DOCK5: variants seen among roughly 807,000 people sequenced by gnomAD.
DOCK5 encodes the protein dedicator of cytokinesis 5, also known as dedicator of cytokinesis protein 5.
In DOCK5, 142 loss-of-function variants were observed where a neutral mutation model predicts 251.8. That is an observed-to-expected ratio of 0.56 (90% CI 0.49 to 0.65). The LOEUF (loss-of-function observed/expected upper bound fraction) is 0.65, where lower values mean the gene tolerates loss of function less well. Among genes scored for constraint, DOCK5 ranks in the 30% least tolerant of loss-of-function variants. The pLI is 0.00. For synonymous variants in DOCK5, 842 were observed against 835.5 expected (o/e 1.01, Z -0.13); for missense variants, 2,111 against 2,312.3 (o/e 0.91, Z 1.79).
chr8:25,370,431 C>A (rs934104512), intron 34 of DOCK5, among the ~76,000 whole-genome samples: 2 of 152,170 alleles, frequency 1.3e-5, no homozygotes, highest in African/African-American at 4.8e-5. Context: ...GCTAACATAG[C>A]ATCTGTTGCA....
At chr8:25,342,888 G>A (rs1363126213) in intron 25 of DOCK5, among the ~76,000 whole-genome samples, 1 of 150,062 alleles carries the variant, frequency 6.7e-6, no homozygotes, top group Non-Finnish European at 1.5e-5. Context: ...TTTATTTTTA[G>A]TAAAGACGGG....
chr8:25,361,030 A>G (rs1353685501), intron 28 of DOCK5, among the ~76,000 whole-genome samples: 1 of 152,172 alleles, frequency 6.6e-6, no homozygotes, highest in African/African-American at 2.4e-5. Flanking sequence ...GCTACCGTGC[A>G]CAGCTAGGCC....
intron 1 of DOCK5, among the ~76,000 whole-genome samples, chr8:25,203,716 A>G (rs779169207): frequency 6.6e-6 from 1 of 152,216 alleles, no homozygotes; most frequent in Non-Finnish European, 1.5e-5. Flanking sequence ...AAAAGACTCA[A>G]TTTTAAAGAT....
rs568373065 is a variant in DOCK5, at chr8:25,374,784, A to T, written c.3816+130A>T. On this transcript the variant is annotated intron_variant, in intron 37 of 51. Coordinates refer to ENST00000276440, the MANE Select transcript of DOCK5 (RefSeq NM_024940.8). ...AATATCCTTTTATACAAGTTTTTTT[A>T]GTTCTTTCTAAATAGGCACAGCTAA... is the stretch of plus-strand genomic sequence containing the variant. 8.4e-4 allele frequency: 1,319 copies of T among 1,573,096 alleles called. 25 individuals carry two copies. In the South Asian group the frequency reaches 0.014, roughly 17 times the overall value.
Position 25,354,876 on chromosome 8 carries a change from G to T in DOCK5, c.2850+3050G>T, listed in dbSNP as rs569470054. Among the ~76,000 whole-genome samples the T allele has an allele frequency of 2.0e-5, 3 of 152,284 alleles. No homozygotes were observed. The South Asian group carries it at 6.2e-4, about 32-fold the overall frequency. On this transcript the variant is annotated intron_variant, in intron 27 of 51. Transcript: ENST00000276440. Reference sequence around the variant, plus strand: ...ACATTTTTTCCCAAATCAAGAAGAGGAGGGAACTTTTTAGCGTGAAATCAC... The same window carrying T: ...ACATTTTTTCCCAAATCAAGAAGAGTAGGGAACTTTTTAGCGTGAAATCAC...
In DOCK5 at chr8:25,275,289, G is replaced by C. The variant is rs1804016914; in HGVS notation, c.169-97G>C. ...TCTCAGGAGTTTAGCTATTGCCTGG[G>C]TGTTCCCATTTATTCTCTTTACTTT... On this transcript the variant is annotated intron_variant, in intron 3 of 51. Coordinates refer to ENST00000276440, the MANE Select transcript of DOCK5 (RefSeq NM_024940.8). The C allele has an allele frequency of 1.1e-5, 11 of 967,256 alleles. No individual in the cohort carries two copies. The South Asian group carries it at 1.9e-4, about 16-fold the overall frequency. 59.9% of individuals were successfully genotyped at this position (967,256 alleles called of 1,614,324 possible). A position where few individuals can be genotyped will look rare whatever the true frequency, so the allele number is the denominator to read the frequency against.
chr8:25,219,590 C>G (rs1220359869), intron 1 of DOCK5, among the ~76,000 whole-genome samples: 2 of 152,160 alleles, frequency 1.3e-5, no homozygotes, highest in Non-Finnish European at 2.9e-5. Flanking sequence ...GCCTAAATGT[C>G]TGAAAATATC....
chr8:25,279,285 G>A (rs1467156151), intron 5 of DOCK5, among the ~76,000 whole-genome samples: 1 of 152,106 alleles, frequency 6.6e-6, no homozygotes, highest in Non-Finnish European at 1.5e-5. Context: ...AAATTACAAG[G>A]AGCCAGCACA....
chr8:25,293,516 A>G (rs1355934062), intron 6 of DOCK5, among the ~76,000 whole-genome samples: 1 of 152,216 alleles, frequency 6.6e-6, no homozygotes, highest in Non-Finnish European at 1.5e-5. Flanking sequence ...AAGTGAGCTT[A>G]AGTGATTTAT....
chr8:25,310,694 T>G (rs1477877387), intron 13 of DOCK5, among the ~76,000 whole-genome samples, 162 bp downstream of exon 13: 2 of 152,168 alleles, frequency 1.3e-5, no homozygotes, highest in African/African-American at 4.8e-5. Context: ...CTTAAACACT[T>G]AGGTGCTTCC....
chr8:25,260,349 C>T (rs769493436), intron 2 of DOCK5, among the ~76,000 whole-genome samples: 14 of 151,336 alleles, frequency 9.3e-5, no homozygotes, highest in Admixed American at 2.0e-4. Context: ...TCTGGGGTGC[C>T]GCCCACCCCC....
At chr8:25,239,634 G>T (rs185178170) in intron 1 of DOCK5, among the ~76,000 whole-genome samples, 20 of 152,178 alleles carry the variant, frequency 1.3e-4, no homozygotes, top group African/African-American at 4.3e-4. Context: ...AGCAGGCAGA[G>T]CATTTGCGTA....
chr8:25,396,780 GTGTGTGTGTGTGTGT>G (rs1801353754), intron 45 of DOCK5, among the ~76,000 whole-genome samples: 1 of 75,948 alleles, frequency 1.3e-5, no homozygotes, highest in African/African-American at 4.5e-5. Flanking sequence ...GTGTGTGTGT[GTGTGTGTGTGTGTGT>G]GTGTCCCGGG....
At chr8:25,270,891 G>A (rs1453355423) in intron 3 of DOCK5, 25 of 677,060 alleles carry the variant, frequency 3.7e-5, no homozygotes, top group African/African-American at 2.1e-4. Flanking sequence ...ATTTCCTCCC[G>A]TGTACTTTAA....
At chr8:25,246,636 G>C (rs997750132) in intron 2 of DOCK5, among the ~76,000 whole-genome samples, 7 of 151,496 alleles carry the variant, frequency 4.6e-5, no homozygotes, top group Non-Finnish European at 1.0e-4. Context: ...CCCAGATGCT[G>C]AGCTGGTCTT....
At chr8:25,238,863 C>A (rs959280507) in intron 1 of DOCK5, among the ~76,000 whole-genome samples, 5 of 152,186 alleles carry the variant, frequency 3.3e-5, no homozygotes, top group African/African-American at 1.2e-4. Flanking sequence ...TGGGACTAAG[C>A]CTGTGCCTTG....
At chr8:25,300,061 A>G (rs369263948) in intron 8 of DOCK5, among the ~76,000 whole-genome samples, 11 of 152,032 alleles carry the variant, frequency 7.2e-5, no homozygotes, top group African/African-American at 2.7e-4. Context: ...ACCTGCCACC[A>G]TGCCCAACCA....
At chr8:25,247,254 C>G (rs1803141715) in intron 2 of DOCK5, among the ~76,000 whole-genome samples, 3 of 151,990 alleles carry the variant, frequency 2.0e-5, no homozygotes, top group Admixed American at 2.0e-4. Flanking sequence ...CAGCGTATTT[C>G]TAAGAAATAG....
chr8:25,406,098 A>T (rs975036966), intron 48 of DOCK5, among the ~76,000 whole-genome samples: 1 of 152,080 alleles, frequency 6.6e-6, no homozygotes, highest in Non-Finnish European at 1.5e-5. Flanking sequence ...AGCTGAGACT[A>T]CAGGCGCCCG....
Sources: gnomAD v4.1 joint callset for allele counts (sites outside exome capture counted in the v4.1 genomes callset) on GRCh38, gnomAD v4.1.1 for gene constraint, MANE v1.5 for transcripts, NCBI Gene and HGNC (gene_info 2026-07-23, HGNC 2026-07-21) for gene names.